The following VPS13D variants were observed in gnomAD, a reference collection of about 807,000 sequenced individuals.
The protein encoded by VPS13D is intermembrane lipid transfer protein VPS13D.
Under a neutral mutation model 461.9 loss-of-function variants are expected in VPS13D, and 187 were observed. The observed-to-expected ratio is 0.40, with a 90% confidence interval of 0.36 to 0.46. The LOEUF (loss-of-function observed/expected upper bound fraction) is 0.46, where lower values mean the gene tolerates loss of function less well. VPS13D is among the 20% of genes least tolerant of loss of function. The pLI is 0.60. For missense variants in VPS13D, 4,711 were observed against 5,364.9 expected, an observed-to-expected ratio of 0.88 and a Z score of 3.81; for synonymous variants, 1,951 against 1,986.3, an observed-to-expected ratio of 0.98 and a Z score of 0.47.
At chr1:12,251,410 G>C (rs1640727704) in intron 6 of VPS13D, among the ~76,000 whole-genome samples, 1 of 152,204 alleles carries the variant, frequency 6.6e-6, no homozygotes, top group Non-Finnish European at 1.5e-5. Context: ...GATGCTGTCA[G>C]GTTTTACCTG....
rs536924066 is a variant in VPS13D at position 12,241,767 on chromosome 1, T to C, written c.98-746T>C. On this transcript the variant is annotated intron_variant, in intron 2 of 69. Coordinates refer to ENST00000620676, the MANE Select transcript of VPS13D (RefSeq NM_015378.4). Reference sequence around the variant, plus strand: ...CCAGAAGAGAAGAGTATAATTCCTTTTGAAGACCAGTTTCATTTAATTGGA... The same window carrying C: ...CCAGAAGAGAAGAGTATAATTCCTTCTGAAGACCAGTTTCATTTAATTGGA... Among the ~76,000 whole-genome samples, 13 of 152,326 alleles carry C rather than the reference T, an allele frequency of 8.5e-5. No homozygotes were observed. The East Asian group carries it at 2.5e-3, about 29-fold the overall frequency.
At chr1:12,270,843 G>C in intron 16 of VPS13D, 151 bp from the exon 17 acceptor site, 1 of 1,017,016 alleles carries the variant, frequency 9.8e-7, no homozygotes, top group Non-Finnish European at 1.4e-6. Context: ...GCCTCCCAAA[G>C]TGCTGGGATT....
Position 12,283,586 on chromosome 1 carries a change from G to A in VPS13D, c.5484G>A (p.Val1828=). The part of the protein sequence containing the change: ...DVLITLQTWV[V]ILDFFGIGST... ...TGATCACACTGCAAACCTGGGTTGTGATATTAGACTTTTTTGGAATCGGCT... is the reference window on the plus strand; with the variant it reads ...TGATCACACTGCAAACCTGGGTTGTAATATTAGACTTTTTTGGAATCGGCT... Residue 1828 remains valine (V), a synonymous_variant, in exon 21 of 70, where the codon GTG becomes GTA. Coordinates refer to ENST00000620676, the MANE Select transcript of VPS13D (RefSeq NM_015378.4). 4 of 1,614,232 alleles carry A rather than the reference G, an allele frequency of 2.5e-6. No homozygotes were observed. The highest frequency in any genetic ancestry group is 3.4e-6 in the Non-Finnish European group (4 of 1,180,036).
chr1:12,231,014 CA>C (rs1192002139), intron 1 of VPS13D, among the ~76,000 whole-genome samples: 1 of 152,188 alleles, frequency 6.6e-6, no homozygotes, highest in Non-Finnish European at 1.5e-5. Context: ...CTGGCGCCGG[CA>C]GCGTTCAGCC....
At chr1:12,377,444 A>G (rs1375143238) in intron 55 of VPS13D, among the ~76,000 whole-genome samples, 1 of 152,174 alleles carries the variant, frequency 6.6e-6, no homozygotes, top group African/African-American at 2.4e-5. Flanking sequence ...TCTAGTATAT[A>G]ATGGATTATA....
intron 7 of VPS13D, among the ~76,000 whole-genome samples, chr1:12,255,737 A>G (rs1026286168): frequency 6.6e-6 from 1 of 151,954 alleles, no homozygotes; most frequent in Non-Finnish European, 1.5e-5. Context: ...CTAAAAATAA[A>G]AAAATTAGCT....
intron 30 of VPS13D, among the ~76,000 whole-genome samples, chr1:12,317,541 T>G (rs532277922): frequency 6.6e-6 from 1 of 151,708 alleles, no homozygotes; most frequent in South Asian, 2.1e-4. Flanking sequence ...TAGATAGCAA[T>G]AGCAACCCCC....
At chr1:12,392,538 T>G (rs1372856993) in intron 60 of VPS13D, among the ~76,000 whole-genome samples, 2 of 129,050 alleles carry the variant, frequency 1.5e-5, no homozygotes, top group Non-Finnish European at 3.2e-5. Flanking sequence ...TATTATTGTA[T>G]AAATGTTAAA....
At position 12,274,329 on chromosome 1, in the gene VPS13D, C is replaced by T. The variant is rs376648934; in HGVS notation, c.2236+1194C>T. On this transcript the variant is annotated intron_variant, in intron 18 of 69. Transcript: ENST00000620676. Reference sequence around the variant, plus strand: ...TGCTGGGATTATAGGCGTGAGCCACCGCACCTGGCCAATTTTTTGTATTTT... The same window carrying T: ...TGCTGGGATTATAGGCGTGAGCCACTGCACCTGGCCAATTTTTTGTATTTT... 7.2e-5 allele frequency among the ~76,000 whole-genome samples: 11 copies of T among 152,242 alleles called. No individual in the cohort carries two copies. The South Asian group carries it at 8.3e-4, about 11-fold the overall frequency.
intron 34 of VPS13D, 82 bp downstream of exon 34, chr1:12,322,828 C>T: frequency 3.5e-6 from 4 of 1,158,994 alleles, no homozygotes; most frequent in Non-Finnish European, 5.0e-6. Context: ...TTTTGCACAA[C>T]TAAATTGTAC....
intron 55 of VPS13D, among the ~76,000 whole-genome samples, chr1:12,375,434 A>G (rs1212762226): frequency 1.3e-5 from 2 of 152,236 alleles, no homozygotes; most frequent in Non-Finnish European, 2.9e-5. Flanking sequence ...AAAATCTAGC[A>G]GTTCACACCA....
rs149580367 is a variant in VPS13D at position 12,359,549 on chromosome 1, C to T, written c.10141+948C>T. Among the ~76,000 whole-genome samples, 666 of 152,064 alleles carry T rather than the reference C, an allele frequency of 4.4e-3. 5 individuals are homozygous for T. Among genetic ancestry groups the T allele is most frequent in the Non-Finnish European group, 5.4e-3 (366 of 67,976 alleles). ...AATAGCCACATATGGCTACTGGCACCGTATTGGACAGTATGCACATAGTGT... is the reference window on the plus strand; with the variant it reads ...AATAGCCACATATGGCTACTGGCACTGTATTGGACAGTATGCACATAGTGT... On this transcript the variant is annotated intron_variant, in intron 50 of 69. Transcript: ENST00000620676.
At chr1:12,468,568 A>G (rs1408913324) in intron 67 of VPS13D, among the ~76,000 whole-genome samples, 1 of 152,198 alleles carries the variant, frequency 6.6e-6, no homozygotes, top group East Asian at 1.9e-4. Context: ...TGAGGGAAGG[A>G]AAGATAGGTG....
Position 12,400,261 on chromosome 1 carries a change from G to A in VPS13D, c.11715G>A (p.Glu3905=), listed in dbSNP as rs1286806728. The part of the protein sequence containing the change: ...TPLSNENEVI[E]TGPAVQVNAV... ...TGAGCAATGAGAATGAGGTCATCGA[G>A]ACCGGCCCAGCTGTGCAAGTCAACG... is the stretch of plus-strand genomic sequence containing the variant. The change falls in exon 61 of 70, where the codon GAG becomes GAA. Residue 3905 remains glutamate (E), a synonymous_variant. Coordinates refer to ENST00000620676, the MANE Select transcript of VPS13D (RefSeq NM_015378.4). 2 of 1,614,038 alleles carry A rather than the reference G, an allele frequency of 1.2e-6. No homozygotes were observed. Among genetic ancestry groups the A allele is most frequent in the Non-Finnish European group, 1.7e-6 (2 of 1,180,036 alleles).
At chr1:12,371,433 C>T (rs1275411681) in intron 54 of VPS13D, among the ~76,000 whole-genome samples, 1 of 150,764 alleles carries the variant, frequency 6.6e-6, no homozygotes, top group East Asian at 1.9e-4. Flanking sequence ...TCTTGTTTCC[C>T]AGGCTGGAGT....
Position 12,304,513 on chromosome 1 carries a change from T to C in VPS13D, c.6224T>C (p.Val2075Ala), listed in dbSNP as rs1380994697. 5.6e-6 allele frequency: 9 copies of C among 1,613,376 alleles called. No individual in the cohort carries two copies. The highest frequency in any genetic ancestry group is 6.8e-6 in the Non-Finnish European group (8 of 1,179,634). Residue 2075 changes from valine (V) to alanine (A), a missense_variant, in exon 26 of 70, where the codon GTG (valine) becomes GCG (alanine). Val to Ala is a moderately conservative substitution (Grantham distance 64, BLOSUM62 0). This residue lies in a region of VPS13D where 4,411 missense variants were observed against 4,937.8 expected (regional missense o/e 0.89). Transcript: ENST00000620676. ...TATTTTGTTCCTTCCCAGGAATCTG[T>C]GCCTTCAGCTTCCCCAACGGGTATT... The part of the protein sequence containing the change: ...GTFSLQDKES[V>A]PSASPTGIPK...
chr1:12,294,118 C>A lies in VPS13D; in HGVS notation c.6033+414C>A, dbSNP rs36104152. 2.0e-3 allele frequency among the ~76,000 whole-genome samples: 301 copies of A among 152,262 alleles called. 1 individual carries two copies. Among genetic ancestry groups the A allele is most frequent in the African/African-American group, 6.9e-3 (288 of 41,542 alleles). On this transcript the variant is annotated intron_variant, in intron 24 of 69. Coordinates refer to ENST00000620676, the MANE Select transcript of VPS13D (RefSeq NM_015378.4). ...GCACATCCTAGGCCAAAGGAAACAC[C>A]TAATGGTATTTCCGTTTACAAAGTA...
chr1:12,350,858 T>C (rs946563382), intron 46 of VPS13D, among the ~76,000 whole-genome samples: 5 of 151,736 alleles, frequency 3.3e-5, no homozygotes, highest in Admixed American at 1.3e-4. Flanking sequence ...ATGAAAAAAA[T>C]GAGGCACTAT....
At chr1:12,359,251 T>G (rs1240833567) in intron 50 of VPS13D, among the ~76,000 whole-genome samples, 1 of 152,220 alleles carries the variant, frequency 6.6e-6, no homozygotes, top group Non-Finnish European at 1.5e-5. Flanking sequence ...GATTGAAATA[T>G]GAATCAGGGT....
Sources: allele counts gnomAD v4.1 joint callset (sites outside exome capture counted in the v4.1 genomes callset), GRCh38; gene constraint gnomAD v4.1.1; regional missense constraint gnomAD v4.1.1; transcripts MANE v1.5; gene names NCBI Gene and HGNC (gene_info 2026-07-23, HGNC 2026-07-21).